CACNA1D: variants seen among roughly 807,000 people sequenced by gnomAD.
CACNA1D encodes calcium voltage-gated channel subunit alpha1 D.
A neutral mutation model predicts 257.1 loss-of-function variants in CACNA1D; 55 were observed. The observed-to-expected ratio is 0.21, with a 90% confidence interval of 0.17 to 0.27. The LOEUF is 0.27. Among genes scored for constraint, CACNA1D ranks in the 10% least tolerant of loss-of-function variants. CACNA1D has a pLI of 1.00. For missense variants in CACNA1D, 1,876 were observed against 2,784.0 expected, an observed-to-expected ratio of 0.67 and a Z score of 7.34; for synonymous variants, 980 against 1,014.9, an observed-to-expected ratio of 0.97 and a Z score of 0.65.
In CACNA1D at chr3:53,749,353, A is replaced by G. The variant is rs751014979; in HGVS notation, c.3400A>G (p.Ile1134Val). The part of the protein sequence containing the change: ...HRVEISIFFI[I>V]YIIIVAFFMM... ...CGTGGAGATCTCCATCTTCTTCATC[A>G]TCTACATCATCATTGTAGCTTTCTT... Residue 1134 changes from isoleucine (I) to valine (V), a missense_variant, in exon 27 of 48, where the codon ATC becomes GTC. Ile to Val is a conservative substitution (Grantham distance 29, BLOSUM62 3). Around this residue, in one of 10 missense-constraint regions of CACNA1D, gnomAD observed 271 missense variants for 425.5 expected, o/e 0.64. Coordinates refer to ENST00000350061, the MANE Select transcript of CACNA1D (RefSeq NM_001128840.3). The G allele has an allele frequency of 6.3e-5, 101 of 1,612,178 alleles. No homozygotes were observed. Among genetic ancestry groups the G allele is most frequent in the Non-Finnish European group, 8.1e-5 (95 of 1,178,694 alleles).
intron 3 of CACNA1D, among the ~76,000 whole-genome samples, chr3:53,642,658 G>A (rs1257064175): frequency 2.6e-5 from 4 of 152,260 alleles, no homozygotes; most frequent in Non-Finnish European, 2.9e-5. Context: ...TCTTCCCACA[G>A]ACCGCATGTC....
chr3:53,692,899 T>G (rs577568425), intron 8 of CACNA1D, among the ~76,000 whole-genome samples: 3 of 151,866 alleles, frequency 2.0e-5, no homozygotes, highest in Non-Finnish European at 4.4e-5. Flanking sequence ...CTACTAAAAA[T>G]ATTAAAAAAT....
At chr3:53,780,431 A>G (rs1462909198) in intron 38 of CACNA1D, among the ~76,000 whole-genome samples, 1 of 152,212 alleles carries the variant, frequency 6.6e-6, no homozygotes. Flanking sequence ...AGCCATCACA[A>G]ATGAACTCAC....
intron 9 of CACNA1D, among the ~76,000 whole-genome samples, chr3:53,706,047 G>A (rs1344901544): frequency 1.3e-5 from 2 of 152,212 alleles, no homozygotes; most frequent in African/African-American, 2.4e-5. Context: ...CATCCTCCCT[G>A]GGGGTGTGAG....
chr3:53,770,419 T>G lies in CACNA1D; in HGVS notation c.3916-5T>G. 1 of 1,613,936 alleles carries G rather than the reference T, an allele frequency of 6.2e-7. No homozygotes were observed. Among genetic ancestry groups the G allele is most frequent in the Non-Finnish European group, 8.5e-7 (1 of 1,179,792 alleles). ...GGGTTTGACCTCTCCATGATAACCC[T>G]TCAGAACTCTGAAGAGAGCAATAGA... On this transcript the variant is annotated splice_polypyrimidine_tract_variant and splice_region_variant and intron_variant, in intron 31 of 47. Transcript: ENST00000350061.
At chr3:53,755,510 G>T (rs2095258136) in intron 29 of CACNA1D, among the ~76,000 whole-genome samples, 1 of 152,224 alleles carries the variant, frequency 6.6e-6, no homozygotes, top group Non-Finnish European at 1.5e-5. Context: ...CCAAAGGGAA[G>T]TGAGTAGCTA....
chr3:53,751,963 C>T lies in CACNA1D; in HGVS notation c.3675+56C>T. On this transcript the variant is annotated intron_variant, in intron 28 of 47. Transcript: ENST00000350061. This position sits in a 1 kb window ranked among gnomAD's most constrained non-coding sequence, Gnocchi z 4.3. ...TCCGGGCATTCCGCACAGCCCCGTG[C>T]CCCAAATGCTGAGGGTGGAATGCTG... 6.5e-7 allele frequency: 1 copy of T among 1,547,538 alleles called. No homozygotes were observed. Among genetic ancestry groups the T allele is most frequent in the Admixed American group, 1.7e-5 (1 of 59,934 alleles).
intron 11 of CACNA1D, among the ~76,000 whole-genome samples, chr3:53,721,918 T>G (rs60538410): frequency 0.019 from 2,894 of 152,306 alleles, 84 homozygotes; most frequent in African/African-American, 0.066. Context: ...CTGCACTGAT[T>G]GCATGAGCAG....
intron 3 of CACNA1D, among the ~76,000 whole-genome samples, chr3:53,555,413 G>A (rs2092619971): frequency 6.8e-6 from 1 of 146,512 alleles, no homozygotes; most frequent in Non-Finnish European, 1.5e-5. Flanking sequence ...TTCCCCTATT[G>A]CTCTCTGGCT....
At chr3:53,500,305 A>G (rs533122036) in intron 2 of CACNA1D, among the ~76,000 whole-genome samples, 3 of 147,574 alleles carry the variant, frequency 2.0e-5, no homozygotes, top group Non-Finnish European at 4.5e-5. Context: ...GTGGCACATG[A>G]CTGTAGTTCC....
chr3:53,711,250 A>C (rs1015921543), intron 9 of CACNA1D, among the ~76,000 whole-genome samples: 2 of 152,236 alleles, frequency 1.3e-5, no homozygotes, highest in Non-Finnish European at 2.9e-5. Flanking sequence ...CTGTCTCTTA[A>C]AAAATCAAAA....
chr3:53,640,562 T>C (rs992821729), intron 3 of CACNA1D, among the ~76,000 whole-genome samples: 2 of 152,228 alleles, frequency 1.3e-5, no homozygotes, highest in Admixed American at 6.5e-5. Flanking sequence ...AGATGGAATA[T>C]GGTTTTTGTC....
At chr3:53,658,643 CTTTTTCTTTG>C (rs1012726318) in intron 4 of CACNA1D, among the ~76,000 whole-genome samples, 3 of 152,128 alleles carry the variant, frequency 2.0e-5, no homozygotes, top group African/African-American at 7.2e-5. Context: ...TTCTTTCTTT[CTTTTTCTTTG>C]TTTTTCTGAA....
chr3:53,716,942 C>G (rs922661535), intron 9 of CACNA1D, among the ~76,000 whole-genome samples: 1 of 152,230 alleles, frequency 6.6e-6, no homozygotes, highest in Non-Finnish European at 1.5e-5. Flanking sequence ...GCAAGGCGGG[C>G]CGAACACAGC....
chr3:53,744,814 CA>C lies in CACNA1D; in HGVS notation c.2997del (p.Gly1000AspfsTer20). ...CGTCCCCTCAGGGCCATCAACAGAG[CA>C]AAAGGACTTAAGGTTTTGATTCCTC... ...VLRPLRAINR[A>X]KGLKHVVQCV... is the part of the protein sequence containing the mutation. On this transcript the variant is annotated frameshift_variant, in exon 23 of 48. Coordinates refer to ENST00000350061, the MANE Select transcript of CACNA1D (RefSeq NM_001128840.3). LOFTEE classifies it high-confidence loss of function. 6.2e-7 allele frequency: 1 copy of C among 1,600,058 alleles called. No homozygotes were observed. Among genetic ancestry groups the C allele is most frequent in the African/African-American group, 1.3e-5 (1 of 74,690 alleles).
intron 40 of CACNA1D, among the ~76,000 whole-genome samples, chr3:53,798,217 C>T (rs2095516514): frequency 6.6e-6 from 1 of 152,208 alleles, no homozygotes; most frequent in Admixed American, 6.5e-5. Context: ...ATGAGAATGG[C>T]AGGTGGGTCC....
intron 26 of CACNA1D, among the ~76,000 whole-genome samples, chr3:53,748,319 C>A (rs1272177124): frequency 6.6e-6 from 1 of 152,156 alleles, no homozygotes; most frequent in Non-Finnish European, 1.5e-5. Context: ...AGGAGGTGGG[C>A]AGGCTGGGGC....
rs147498238 is a variant in CACNA1D at position 53,647,367 on chromosome 3, A to G, written c.484-3412A>G. On this transcript the variant is annotated intron_variant, in intron 3 of 47. Coordinates refer to ENST00000350061, the MANE Select transcript of CACNA1D (RefSeq NM_001128840.3). ...GGCTGTTAAGGTACAGCTCCTGCTC[A>G]GGCCTTTTATACCAGGGACGCCTCA... Among the ~76,000 whole-genome samples, 1,189 of 152,286 alleles carry G rather than the reference A, an allele frequency of 7.8e-3. 13 individuals carry two copies. The highest frequency in any genetic ancestry group is 0.026 in the African/African-American group (1,093 of 41,562).
At chr3:53,517,930 A>C (rs966435609) in intron 3 of CACNA1D, among the ~76,000 whole-genome samples, 2 of 152,210 alleles carry the variant, frequency 1.3e-5, no homozygotes, top group Non-Finnish European at 2.9e-5. Flanking sequence ...TAGGCAAGCA[A>C]ATGTTATTTC....
Sources: allele counts gnomAD v4.1 joint callset (sites outside exome capture counted in the v4.1 genomes callset), GRCh38; gene constraint gnomAD v4.1.1; regional missense constraint gnomAD v4.1.1; non-coding constraint Gnocchi (gnomAD v3.1); transcripts MANE v1.5; gene names NCBI Gene and HGNC (gene_info 2026-07-23, HGNC 2026-07-21).